GRIP1: variants seen among roughly 807,000 people sequenced by gnomAD.
GRIP1 encodes glutamate receptor interacting protein 1.
GRIP1 carries 45 observed loss-of-function variants against 129.9 expected under a neutral mutation model. The ratio of observed to expected loss-of-function variants is 0.35; its 90% CI spans 0.27 to 0.44. The LOEUF (loss-of-function observed/expected upper bound fraction) is 0.44. Among genes scored for constraint, GRIP1 ranks in the 20% least tolerant of loss-of-function variants. The pLI is 1.00. For synonymous variants in GRIP1, 530 were observed against 520.8 expected (o/e 1.02, Z -0.24); for missense variants, 1,196 against 1,396.8 (o/e 0.86, Z 2.29).
At chr12:66,802,882 G>A (rs981093896) in intron 1 of GRIP1, among the ~76,000 whole-genome samples, 1 of 152,242 alleles carries the variant, frequency 6.6e-6, no homozygotes, top group South Asian at 2.1e-4. Flanking sequence ...TTATTCATGT[G>A]CACACATTTA....
chr12:66,629,386 T>C (rs1011590921), intron 1 of GRIP1, among the ~76,000 whole-genome samples: 5 of 152,222 alleles, frequency 3.3e-5, no homozygotes, highest in African/African-American at 1.2e-4. Context: ...AGAGTGGCAC[T>C]GTCATGTTCC....
intron 1 of GRIP1, among the ~76,000 whole-genome samples, chr12:66,876,297 T>C (rs958709107): frequency 3.9e-5 from 6 of 152,052 alleles, no homozygotes; most frequent in Non-Finnish European, 5.9e-5. Flanking sequence ...TATAATCATC[T>C]TCATAGCTCT....
intron 7 of GRIP1, among the ~76,000 whole-genome samples, chr12:66,514,844 A>AT (rs1439116961): frequency 6.6e-6 from 1 of 152,158 alleles, no homozygotes; most frequent in Non-Finnish European, 1.5e-5. Flanking sequence ...ATTTCACAAC[A>AT]TAAAACTAGC....
chr12:66,568,179 T>C, intron 2 of GRIP1: 1 of 221,886 alleles, frequency 4.5e-6, no homozygotes, highest in Non-Finnish European at 9.4e-6. Context: ...TTCTCTTTGG[T>C]ATCATTTGGT....
chr12:66,497,139 T>C (rs1041218719), intron 7 of GRIP1, among the ~76,000 whole-genome samples: 15 of 152,166 alleles, frequency 9.9e-5, no homozygotes, highest in African/African-American at 3.4e-4. Flanking sequence ...CAAAAATGCA[T>C]ACATAATGTC....
chr12:66,365,150 T>A (rs2055060471), intron 23 of GRIP1, among the ~76,000 whole-genome samples: 1 of 151,774 alleles, frequency 6.6e-6, no homozygotes, highest in African/African-American at 2.4e-5. Flanking sequence ...TGATTATGGT[T>A]TTGGGGTGGG....
At chr12:66,909,354 G>A (rs968754509) in intron 1 of GRIP1, among the ~76,000 whole-genome samples, 1 of 152,106 alleles carries the variant, frequency 6.6e-6, no homozygotes, top group Non-Finnish European at 1.5e-5. Context: ...AGGTGGAGCA[G>A]AGAGCTTGGG....
intron 7 of GRIP1, among the ~76,000 whole-genome samples, chr12:66,494,440 A>C (rs769541056): frequency 6.6e-6 from 1 of 152,208 alleles, no homozygotes; most frequent in South Asian, 2.1e-4. Flanking sequence ...CATCTGCTAT[A>C]GTTTCTTTCA....
At chr12:66,493,778 T>G (rs909827255) in intron 7 of GRIP1, among the ~76,000 whole-genome samples, 1 of 152,198 alleles carries the variant, frequency 6.6e-6, no homozygotes, top group African/African-American at 2.4e-5. Flanking sequence ...GGAAACTTGA[T>G]TTTAATGATG....
At chr12:66,546,649 C>T (rs954877788) in intron 2 of GRIP1, among the ~76,000 whole-genome samples, 1 of 152,096 alleles carries the variant, frequency 6.6e-6, no homozygotes, top group African/African-American at 2.4e-5. Flanking sequence ...GCCTATTCAA[C>T]AAATGATGCT....
At chr12:66,991,498 T>A (rs2042394109) in intron 1 of GRIP1, among the ~76,000 whole-genome samples, 1 of 152,196 alleles carries the variant, frequency 6.6e-6, no homozygotes, top group African/African-American at 2.4e-5. Flanking sequence ...TACATAAATA[T>A]GACAATGGTC....
chr12:66,349,615 A>G (rs865847927), intron 24 of GRIP1, among the ~76,000 whole-genome samples: 5 of 152,308 alleles, frequency 3.3e-5, no homozygotes, highest in Middle Eastern at 6.8e-3. Context: ...TAAGGGTCAT[A>G]GGATGTAATC....
intron 23 of GRIP1, among the ~76,000 whole-genome samples, chr12:66,354,193 G>A (rs2054368931): frequency 6.6e-6 from 1 of 152,054 alleles, no homozygotes; most frequent in East Asian, 1.9e-4. Flanking sequence ...GTAACTGAAG[G>A]CATCTACCCT....
intron 1 of GRIP1, among the ~76,000 whole-genome samples, chr12:66,894,134 G>A (rs1330822885): frequency 6.6e-6 from 1 of 152,152 alleles, no homozygotes; most frequent in Non-Finnish European, 1.5e-5. Context: ...TTCAACTAAA[G>A]TACCTCCCTT....
intron 1 of GRIP1, among the ~76,000 whole-genome samples, chr12:66,717,080 A>G (rs1208971524): frequency 6.6e-6 from 1 of 152,104 alleles, no homozygotes; most frequent in Non-Finnish European, 1.5e-5. Context: ...TAGAAACAAA[A>G]CTTATTCTTA....
intron 23 of GRIP1, among the ~76,000 whole-genome samples, chr12:66,364,147 TC>T (rs1003265326): frequency 6.7e-6 from 1 of 149,992 alleles, no homozygotes; most frequent in African/African-American, 2.5e-5. Flanking sequence ...GCATCTGTAA[TC>T]CCAGCTGCTT....
At chr12:66,517,166 C>T (rs1208290400) in intron 6 of GRIP1, among the ~76,000 whole-genome samples, 2 of 152,146 alleles carry the variant, frequency 1.3e-5, no homozygotes, top group African/African-American at 2.4e-5. Flanking sequence ...CTTCAACAAT[C>T]TCTAATGGCA....
At chr12:66,814,374 A>G (rs2039164268) in intron 1 of GRIP1, among the ~76,000 whole-genome samples, 1 of 152,062 alleles carries the variant, frequency 6.6e-6, no homozygotes, top group Admixed American at 6.6e-5. Context: ...AATTTACTGA[A>G]AGGAGCCTTC....
In GRIP1 at chr12:66,541,955, T is replaced by A; in HGVS notation, c.137-5A>T. 1 of 1,613,592 alleles carries A rather than the reference T, an allele frequency of 6.2e-7. No homozygotes were observed. On this transcript the variant is annotated splice_region_variant and splice_polypyrimidine_tract_variant and intron_variant, in intron 2 of 24. Coordinates refer to ENST00000359742, the MANE Select transcript of GRIP1 (RefSeq NM_001366722.1). ...CTGTGGAGCCCTTGAATTCCTCTGT[T>A]AAAAGAAAAGCATTTGCCTTATTAA...
Sources: allele counts gnomAD v4.1 joint callset (sites outside exome capture counted in the v4.1 genomes callset), GRCh38; gene constraint gnomAD v4.1.1; transcripts MANE v1.5; gene names NCBI Gene and HGNC (gene_info 2026-07-23, HGNC 2026-07-21).